RNF43: variants seen among roughly 807,000 people sequenced by gnomAD.
RNF43 encodes the protein ring finger protein 43.
Under a neutral mutation model 78.4 loss-of-function variants are expected in RNF43, and 37 were observed. The ratio of observed to expected loss-of-function variants is 0.47; its 90% CI spans 0.36 to 0.62. The LOEUF is 0.62. Among genes scored for constraint, RNF43 ranks in the 20% least tolerant of loss-of-function variants. The pLI is 0.00. For synonymous variants in RNF43, 347 were observed against 395.0 expected (o/e 0.88, Z 1.44); for missense variants, 774 against 1,007.9 (o/e 0.77, Z 3.14).
chr17:58,377,250 A>G (rs1021410681), intron 2 of RNF43, among the ~76,000 whole-genome samples: 1 of 152,196 alleles, frequency 6.6e-6, no homozygotes, highest in Admixed American at 6.5e-5. Context: ...GACACTTAGT[A>G]AGTGCTCACT....
chr17:58,355,036 G>T lies in RNF43; in HGVS notation c.2309-50C>A, dbSNP rs111783851. 1.7e-4 allele frequency: 266 copies of T among 1,522,338 alleles called. 3 individuals are homozygous for T. The African/African-American group carries it at 3.3e-3, about 19-fold the overall frequency. 94.3% of individuals were successfully genotyped at this position (1,522,338 alleles called of 1,614,324 possible). A position where few individuals can be genotyped will look rare whatever the true frequency, so the allele number is the denominator to read the frequency against. ...AGAGGTCATTGAGGGTCAGGCCAGG[G>T]ACCTGCTTCTCTCGCCTGCAGCAGA... On this transcript the variant is annotated intron_variant, in intron 9 of 9. Coordinates refer to ENST00000407977, the MANE Select transcript of RNF43 (RefSeq NM_017763.6).
At chr17:58,398,772 A>G (rs1016032913) in intron 2 of RNF43, among the ~76,000 whole-genome samples, 7 of 152,224 alleles carry the variant, frequency 4.6e-5, no homozygotes, top group Non-Finnish European at 7.3e-5. Context: ...AAACAAGGCC[A>G]CTGGAAGTGA....
chr17:58,374,199 A>AAAT (rs915817073), intron 2 of RNF43, among the ~76,000 whole-genome samples: 11 of 151,896 alleles, frequency 7.2e-5, no homozygotes, highest in African/African-American at 2.7e-4. Context: ...TAGAAAAAAA[A>AAAT]AGGAAAGTAG....
rs1403338487 is a variant in RNF43 at position 58,417,029 on chromosome 17, C to T, written c.-398G>A. ...GAAATCTGCAAACCTGTTGCGCTGT[C>T]GGGCCCACTGGAATCCACGGGGGTG... On this transcript the variant is annotated 5_prime_UTR_variant, in exon 1 of 10. Coordinates refer to ENST00000407977, the MANE Select transcript of RNF43 (RefSeq NM_017763.6). The T allele has an allele frequency of 2.0e-5, 3 of 152,162 alleles. No homozygotes were observed. The highest frequency in any genetic ancestry group is 4.4e-5 in the Non-Finnish European group (3 of 68,046). The allele number at this position is 152,162 out of a possible 1,614,324, so 9.4% of individuals were successfully genotyped here.
intron 2 of RNF43, among the ~76,000 whole-genome samples, chr17:58,376,507 C>T (rs1973208525): frequency 6.6e-6 from 1 of 152,072 alleles, no homozygotes; most frequent in Non-Finnish European, 1.5e-5. Flanking sequence ...AAATTAAAAA[C>T]AAATAATAGC....
chr17:58,391,281 C>A (rs779013278), intron 2 of RNF43, among the ~76,000 whole-genome samples: 2 of 152,168 alleles, frequency 1.3e-5, no homozygotes, highest in African/African-American at 2.4e-5. Flanking sequence ...CAGATAATTC[C>A]TTTGCCATTG....
rs1392316193 is a variant in RNF43 at position 58,370,906 on chromosome 17, T to G, written c.375+5A>C. Reference sequence around the variant, plus strand: ...GGGTGTGTGTAGGGCGAAGTGTGAGTCTACCTTGCTAGCCAGTGACAGGCA... The same window carrying G: ...GGGTGTGTGTAGGGCGAAGTGTGAGGCTACCTTGCTAGCCAGTGACAGGCA... On this transcript the variant is annotated splice_donor_5th_base_variant and intron_variant, in intron 3 of 9. Transcript: ENST00000407977. The G allele has an allele frequency of 1.9e-6, 3 of 1,590,270 alleles. No individual in the cohort carries two copies. The highest frequency in any genetic ancestry group is 1.7e-5 in the Admixed American group (1 of 58,424).
intron 9 of RNF43, among the ~76,000 whole-genome samples, chr17:58,355,424 A>G (rs776919367): frequency 2.7e-4 from 41 of 152,228 alleles, no homozygotes; most frequent in Non-Finnish European, 4.9e-4. Flanking sequence ...GTCCAAGTGC[A>G]GCAATCAGGA....
rs1201548851 is a variant in RNF43, at chr17:58,357,334, A to C, written c.2308+134T>G. 1 of 1,109,200 alleles carries C rather than the reference A, an allele frequency of 9.0e-7. No homozygotes were observed. Among genetic ancestry groups the C allele is most frequent in the Non-Finnish European group, 1.4e-6 (1 of 734,946 alleles). The allele number at this position is 1,109,200 out of a possible 1,614,324, so 68.7% of individuals were successfully genotyped here. ...AGCATGATACGCTGTCCCGATGGTT[A>C]AGTATTTTGGTTGTCATCTCTGCTG... On this transcript the variant is annotated intron_variant, in intron 9 of 9. Transcript: ENST00000407977. This position sits in a 1 kb window ranked among gnomAD's most constrained non-coding sequence, Gnocchi z 4.5.
intron 2 of RNF43, among the ~76,000 whole-genome samples, chr17:58,395,692 T>C (rs1973665774): frequency 6.6e-6 from 1 of 152,204 alleles, no homozygotes; most frequent in Non-Finnish European, 1.5e-5. Context: ...AGGTGGTTTC[T>C]CTAGCTAAAA....
At chr17:58,410,042 A>C (rs551652475) in intron 2 of RNF43, among the ~76,000 whole-genome samples, 8 of 149,124 alleles carry the variant, frequency 5.4e-5, no homozygotes, top group Non-Finnish European at 1.0e-4. Flanking sequence ...GAGTCTGCCA[A>C]ATGAACACTA....
intron 2 of RNF43, among the ~76,000 whole-genome samples, chr17:58,401,464 AAG>A (rs1317466533): frequency 6.6e-6 from 1 of 152,194 alleles, no homozygotes; most frequent in African/African-American, 2.4e-5. Context: ...TGCAGTCATA[AAG>A]AACTTGACTT....
downstream of RNF43, chr17:58,353,387 C>T (rs1972607015): frequency 4.9e-6 from 1 of 202,132 alleles, no homozygotes; most frequent in South Asian, 1.9e-4. Flanking sequence ...TGCCCAAGGT[C>T]TGAGTCACTG....
chr17:58,397,609 G>A (rs1973710000), intron 2 of RNF43, among the ~76,000 whole-genome samples: 1 of 151,592 alleles, frequency 6.6e-6, no homozygotes, highest in Non-Finnish European at 1.5e-5. Context: ...GTTACAGTGA[G>A]CCGAGATTGC....
At chr17:58,356,670 CT>C (rs1437694311) in intron 9 of RNF43, among the ~76,000 whole-genome samples, 2 of 152,074 alleles carry the variant, frequency 1.3e-5, no homozygotes, top group East Asian at 3.9e-4. Context: ...CTCTCTCTCT[CT>C]TTTTTCTCGT....
intron 2 of RNF43, among the ~76,000 whole-genome samples, chr17:58,390,898 TG>T (rs1411981457): frequency 6.6e-6 from 1 of 152,248 alleles, no homozygotes; most frequent in African/African-American, 2.4e-5. Context: ...TTCTCCACAC[TG>T]CTGTTCTTTC....
chr17:58,356,882 GCCT>G (rs1972693614), intron 9 of RNF43: 4 of 310,108 alleles, frequency 1.3e-5, no homozygotes, highest in South Asian at 1.3e-4. Context: ...CATTCCAAAT[GCCT>G]CTTTTTTTTT....
At chr17:58,365,958 G>C (rs952563790) in intron 3 of RNF43, among the ~76,000 whole-genome samples, 2 of 152,120 alleles carry the variant, frequency 1.3e-5, no homozygotes, top group African/African-American at 4.8e-5. Flanking sequence ...TTACTTGCAG[G>C]ACTCACTGGT....
chr17:58,410,506 A>T (rs1434734138), intron 2 of RNF43, among the ~76,000 whole-genome samples: 2 of 152,252 alleles, frequency 1.3e-5, no homozygotes, highest in Non-Finnish European at 2.9e-5. Context: ...CATACTTTGA[A>T]TATCTACTCT....
Sources: allele counts gnomAD v4.1 joint callset (sites outside exome capture counted in the v4.1 genomes callset), GRCh38; gene constraint gnomAD v4.1.1; non-coding constraint Gnocchi (gnomAD v3.1); transcripts MANE v1.5; gene names NCBI Gene and HGNC (gene_info 2026-07-23, HGNC 2026-07-21).